GRID2: variants seen among roughly 807,000 people sequenced by gnomAD.
The protein encoded by GRID2 is glutamate ionotropic receptor delta type subunit 2.
GRID2 carries 33 observed loss-of-function variants against 114.8 expected under a neutral mutation model. The observed-to-expected ratio is 0.29, with a 90% confidence interval of 0.22 to 0.38. The LOEUF (loss-of-function observed/expected upper bound fraction) is 0.38. GRID2 is among the 10% of genes least tolerant of loss of function. GRID2 has a pLI of 1.00. For synonymous variants in GRID2, 505 were observed against 449.9 expected (o/e 1.12, Z -1.55); for missense variants, 1,184 against 1,257.7 (o/e 0.94, Z 0.89).
chr4:93,657,932 A>T (rs1279829069), intron 14 of GRID2, among the ~76,000 whole-genome samples: 2 of 152,218 alleles, frequency 1.3e-5, no homozygotes. Context: ...AACAGAGAGG[A>T]ACTTCATTTG....
At chr4:93,578,814 C>T (rs1273318428) in intron 13 of GRID2, among the ~76,000 whole-genome samples, 4 of 152,028 alleles carry the variant, frequency 2.6e-5, no homozygotes, top group African/African-American at 9.7e-5. Context: ...AGGTTGGTCT[C>T]GATCTCCTGA....
At chr4:92,621,813 T>A (rs1417993025) in intron 2 of GRID2, among the ~76,000 whole-genome samples, 1 of 151,798 alleles carries the variant, frequency 6.6e-6, no homozygotes, top group Non-Finnish European at 1.5e-5. Flanking sequence ...AGAATTTTTC[T>A]TCAAAGTTTG....
In GRID2 at chr4:92,513,115, G is replaced by T. The variant is rs556255410; in HGVS notation, c.89-77016G>T. On this transcript the variant is annotated intron_variant, in intron 1 of 15. Transcript: ENST00000282020. ...TCCTAAACTGGTGTGTACTGTATTCGTGTATATGGATTTGTATCATTGTTA... is the reference window on the plus strand; with the variant it reads ...TCCTAAACTGGTGTGTACTGTATTCTTGTATATGGATTTGTATCATTGTTA... Among the ~76,000 whole-genome samples, 5 of 151,900 alleles carry T rather than the reference G, an allele frequency of 3.3e-5. No homozygotes were observed. In the East Asian group the frequency reaches 9.7e-4, roughly 30 times the overall value.
At chr4:92,557,456 A>G (rs17019565) in intron 1 of GRID2, among the ~76,000 whole-genome samples, 32,693 of 151,118 alleles carry the variant, frequency 0.22, 3,826 homozygotes, top group South Asian at 0.29. Flanking sequence ...CAAATACAAC[A>G]TAAATTTAAC....
At chr4:92,945,197 A>G (rs182377605) in intron 2 of GRID2, among the ~76,000 whole-genome samples, 14 of 152,272 alleles carry the variant, frequency 9.2e-5, no homozygotes, top group African/African-American at 3.1e-4. Context: ...TTAATCTTGA[A>G]TCTTTGAATA....
At chr4:93,735,834 T>C (rs1466473936) in intron 14 of GRID2, among the ~76,000 whole-genome samples, 7 of 152,070 alleles carry the variant, frequency 4.6e-5, no homozygotes, top group African/African-American at 1.4e-4. Context: ...AGCAGGAAAT[T>C]TTTCTTTTTC....
At chr4:93,608,296 C>CTTT (rs774334616) in intron 13 of GRID2, among the ~76,000 whole-genome samples, 2,539 of 116,918 alleles carry the variant, frequency 0.022, 38 homozygotes, top group East Asian at 0.054. Flanking sequence ...ATTTTTTTTT[C>CTTT]TTTTTTTTTT....
At chr4:93,739,059 G>T (rs1182047829) in intron 14 of GRID2, among the ~76,000 whole-genome samples, 1 of 152,060 alleles carries the variant, frequency 6.6e-6, no homozygotes, top group Admixed American at 6.6e-5. Context: ...TTCTGAATCT[G>T]GGTCAGTCAG....
chr4:92,431,000 T>C (rs1317713192), intron 1 of GRID2, among the ~76,000 whole-genome samples: 4 of 152,186 alleles, frequency 2.6e-5, no homozygotes, highest in African/African-American at 4.8e-5. Context: ...CTAATAGTTT[T>C]CTTGTGGACT....
At chr4:93,462,765 C>A (rs17020639) in intron 11 of GRID2, among the ~76,000 whole-genome samples, 1 of 151,970 alleles carries the variant, frequency 6.6e-6, no homozygotes, top group African/African-American at 2.4e-5. Context: ...TACCAATGTC[C>A]TATTTACAAA....
intron 2 of GRID2, among the ~76,000 whole-genome samples, chr4:93,019,532 T>C (rs1723080159): frequency 6.6e-6 from 1 of 152,132 alleles, no homozygotes; most frequent in Non-Finnish European, 1.5e-5. Context: ...TATTAACATA[T>C]CTTCCATGTT....
intron 1 of GRID2, among the ~76,000 whole-genome samples, chr4:92,479,728 A>T (rs1009466684): frequency 1.7e-4 from 26 of 152,162 alleles, no homozygotes; most frequent in African/African-American, 5.1e-4. Context: ...GATCAATAGG[A>T]ACAAACTACG....
At chr4:92,433,779 A>G (rs574264946) in intron 1 of GRID2, among the ~76,000 whole-genome samples, 12 of 152,284 alleles carry the variant, frequency 7.9e-5, no homozygotes, top group African/African-American at 2.9e-4. Context: ...GAAGGGTTCT[A>G]TTCAGCCATC....
chr4:93,051,876 C>A (rs555710071), intron 2 of GRID2, among the ~76,000 whole-genome samples: 1 of 151,786 alleles, frequency 6.6e-6, no homozygotes, highest in South Asian at 2.1e-4. Flanking sequence ...GCTTGTTTGT[C>A]CAGTTTTTTT....
At chr4:93,059,186 A>T (rs1727546488) in intron 2 of GRID2, among the ~76,000 whole-genome samples, 1 of 152,172 alleles carries the variant, frequency 6.6e-6, no homozygotes, top group Non-Finnish European at 1.5e-5. Context: ...CATGGCAGAA[A>T]TACAGAAACA....
intron 1 of GRID2, among the ~76,000 whole-genome samples, chr4:92,340,974 C>G (rs1280985191): frequency 6.6e-6 from 1 of 151,880 alleles, no homozygotes; most frequent in Non-Finnish European, 1.5e-5. Flanking sequence ...GGTTCTTAAA[C>G]CATTCCTGCA....
chr4:92,558,510 A>G (rs1726969976), intron 1 of GRID2, among the ~76,000 whole-genome samples: 2 of 152,104 alleles, frequency 1.3e-5, no homozygotes, highest in South Asian at 4.1e-4. Flanking sequence ...TCCACCTGAA[A>G]TTCACTCTAC....
intron 12 of GRID2, among the ~76,000 whole-genome samples, chr4:93,508,906 G>A (rs1044839254): frequency 3.3e-5 from 5 of 152,174 alleles, no homozygotes; most frequent in African/African-American, 1.2e-4. Flanking sequence ...AGCATCTTAT[G>A]CCAAGAAGAC....
chr4:93,555,197 C>T (rs1432966864), intron 13 of GRID2, among the ~76,000 whole-genome samples: 1 of 152,152 alleles, frequency 6.6e-6, no homozygotes, highest in Non-Finnish European at 1.5e-5. Context: ...GGGCAGATAC[C>T]AAGCTAGCTT....
Sources: gnomAD v4.1 joint callset for allele counts (sites outside exome capture counted in the v4.1 genomes callset) on GRCh38, gnomAD v4.1.1 for gene constraint, MANE v1.5 for transcripts, NCBI Gene and HGNC (gene_info 2026-07-23, HGNC 2026-07-21) for gene names.